Variants in SLC1A2 observed in about 807,000 individuals in gnomAD.
SLC1A2 encodes the protein excitatory amino acid transporter 2.
SLC1A2 carries 15 observed loss-of-function variants against 48.8 expected under a neutral mutation model. That is an observed-to-expected ratio of 0.31 (90% confidence interval 0.21 to 0.47). SLC1A2 has a LOEUF of 0.47. SLC1A2 is among the 20% of genes least tolerant of loss of function. SLC1A2 has a pLI of 0.99. For missense variants in SLC1A2, 502 were observed against 730.5 expected (o/e 0.69, Z 3.61); for synonymous variants, 279 against 272.6 (o/e 1.02, Z -0.23).
At chr11:35,357,394 G>A (rs1273833338) in intron 1 of SLC1A2, among the ~76,000 whole-genome samples, 2 of 152,098 alleles carry the variant, frequency 1.3e-5, no homozygotes, top group Non-Finnish European at 2.9e-5. Context: ...AGTACATTCG[G>A]ACAACATGAG....
At chr11:35,315,589 T>A (rs990013706) in intron 2 of SLC1A2, 15 of 156,486 alleles carry the variant, frequency 9.6e-5, no homozygotes, top group Admixed American at 7.5e-4. Context: ...AGGTCAGGAG[T>A]TCGAGACCAG....
Position 35,292,528 on chromosome 11 carries a change from AC to A in SLC1A2, c.858-9del. The A allele has an allele frequency of 6.3e-7, 1 of 1,580,522 alleles. No individual in the cohort carries two copies. Among genetic ancestry groups the A allele is most frequent in the Non-Finnish European group, 8.7e-7 (1 of 1,150,454 alleles). Reference sequence around the variant, plus strand: ...ATACCCAGGGGAGAGTACCTGAAAAACACAAAAGGGAAAAACAGCATTGAAG... The same window carrying A: ...ATACCCAGGGGAGAGTACCTGAAAAAACAAAAGGGAAAAACAGCATTGAAG... On this transcript the variant is annotated splice_polypyrimidine_tract_variant and intron_variant, in intron 6 of 10. Transcript: ENST00000278379.
At chr11:35,375,742 TGAGGAGGGCTACA>T (rs1218733376) in intron 1 of SLC1A2, among the ~76,000 whole-genome samples, 1 of 152,110 alleles carries the variant, frequency 6.6e-6, no homozygotes, top group Non-Finnish European at 1.5e-5. Flanking sequence ...TGGACTGGGA[TGAGGAGGGCTACA>T]GAGGAGGGTG....
At chr11:35,371,050 A>C (rs1366126243) in intron 1 of SLC1A2, 1 of 985,152 alleles carries the variant, frequency 1.0e-6, no homozygotes, top group African/African-American at 1.7e-5. Flanking sequence ...TTTCTTGCAG[A>C]GACAATGGGT....
At chr11:35,416,579 T>C (rs192369922) in intron 1 of SLC1A2, among the ~76,000 whole-genome samples, 1 of 152,320 alleles carries the variant, frequency 6.6e-6, no homozygotes, top group East Asian at 1.9e-4. Flanking sequence ...ACCAAATAAA[T>C]GTGAACCAGA....
intron 1 of SLC1A2, among the ~76,000 whole-genome samples, chr11:35,348,021 T>C (rs1472878847): frequency 6.6e-6 from 1 of 152,224 alleles, no homozygotes; most frequent in African/African-American, 2.4e-5. Context: ...GAGGCCAAGC[T>C]CCATGTGACA....
At chr11:35,400,586 A>G (rs912357319) in intron 1 of SLC1A2, among the ~76,000 whole-genome samples, 1 of 152,234 alleles carries the variant, frequency 6.6e-6, no homozygotes, top group Non-Finnish European at 1.5e-5. Context: ...CGTTATGGAT[A>G]AACTCTCCAT....
chr11:35,278,219 C>T (rs2134671851), intron 9 of SLC1A2, among the ~76,000 whole-genome samples: 1 of 151,810 alleles, frequency 6.6e-6, no homozygotes, highest in East Asian at 1.9e-4. Flanking sequence ...TTGCAGCCCT[C>T]CCAAGTTGAA....
chr11:35,254,881 AGGCT>A lies in SLC1A2; in HGVS notation c.*6009_*6012del. The A allele has an allele frequency of 2.3e-6, 1 of 442,142 alleles. No homozygotes were observed. The highest frequency in any genetic ancestry group is 3.4e-4 in the Middle Eastern group (1 of 2,966). 27.4% of individuals were successfully genotyped at this position (442,142 alleles called of 1,614,324 possible). A position where few individuals can be genotyped will look rare whatever the true frequency, so the allele number is the denominator to read the frequency against. Reference sequence around the variant, plus strand: ...GGCCTGGAGGTTGGAAAGTGAAGCAAGGCTGGACATAGAAAAAAACTGATCAGTA... The same window carrying A: ...GGCCTGGAGGTTGGAAAGTGAAGCAAGGACATAGAAAAAAACTGATCAGTA... On this transcript the variant is annotated 3_prime_UTR_variant, in exon 11 of 11. Transcript: ENST00000278379.
Position 35,312,329 on chromosome 11 carries a change from G to C in SLC1A2, c.430C>G (p.Pro144Ala), listed in dbSNP as rs1460881897. Residue 144 changes from proline to alanine, a missense_variant, in exon 4 of 11, where the codon CCA becomes GCA. By Grantham distance (27) the Pro-to-Ala change is conservative (BLOSUM62 -1). Around this residue, in one of 4 missense-constraint regions of SLC1A2, gnomAD observed 309 missense variants for 480.3 expected, o/e 0.64. Coordinates refer to ENST00000278379, the MANE Select transcript of SLC1A2 (RefSeq NM_004171.4). ...LGVILVLAIH[P>A]GNPKLKKQLG... ...TGCTTCTTGAGCTTGGGATTGCCTG[G>C]ATGGATAGCCAAGACCAGAATGACC... 1.2e-6 allele frequency: 2 copies of C among 1,614,010 alleles called. No individual in the cohort carries two copies. The highest frequency in any genetic ancestry group is 1.7e-5 in the Admixed American group (1 of 60,000).
intron 1 of SLC1A2, among the ~76,000 whole-genome samples, chr11:35,384,521 T>C (rs1854526979): frequency 6.6e-6 from 1 of 152,204 alleles, no homozygotes; most frequent in Non-Finnish European, 1.5e-5. Flanking sequence ...AAATGACAAA[T>C]ACATGTTAGA....
At chr11:35,308,178 C>T (rs1404251061) in intron 4 of SLC1A2, among the ~76,000 whole-genome samples, 1 of 152,164 alleles carries the variant, frequency 6.6e-6, no homozygotes, top group Non-Finnish European at 1.5e-5. Context: ...CCAGCTGCTA[C>T]CTATTTTACA....
At chr11:35,378,971 G>A (rs1314547730) in intron 1 of SLC1A2, among the ~76,000 whole-genome samples, 3 of 152,214 alleles carry the variant, frequency 2.0e-5, no homozygotes, top group African/African-American at 7.2e-5. Flanking sequence ...ACTCATGCCT[G>A]TAATCCCAGC....
At chr11:35,282,200 C>A (rs1463919739) in intron 8 of SLC1A2, among the ~76,000 whole-genome samples, 1 of 152,082 alleles carries the variant, frequency 6.6e-6, no homozygotes, top group East Asian at 1.9e-4. Flanking sequence ...CCAACCACAC[C>A]CTTCCCCTCC....
intron 1 of SLC1A2, among the ~76,000 whole-genome samples, chr11:35,331,564 A>G (rs4756211): frequency 0.21 from 31,898 of 152,166 alleles, 3,663 homozygotes; most frequent in Admixed American, 0.27. Context: ...AGAAGAATGT[A>G]TATTTATCAC....
At position 35,252,342 on chromosome 11, in the gene SLC1A2, CAG is replaced by C. The variant is rs1950249842; in HGVS notation, c.*8550_*8551del. The C allele has an allele frequency of 6.6e-6, 1 of 151,414 alleles. No individual in the cohort carries two copies. The highest frequency in any genetic ancestry group is 1.5e-5 in the Non-Finnish European group (1 of 68,004). 9.4% of individuals were successfully genotyped at this position (151,414 alleles called of 1,614,324 possible). On this transcript the variant is annotated 3_prime_UTR_variant, in exon 11 of 11. Coordinates refer to ENST00000278379, the MANE Select transcript of SLC1A2 (RefSeq NM_004171.4). The stretch of plus-strand genomic sequence containing the variant: ...TCTAAAGACATGATGCTAATATGCA[CAG>C]AGTCAGACTAACTTTTTGTTCCTCT...
At chr11:35,407,338 G>A (rs1234903933) in intron 1 of SLC1A2, among the ~76,000 whole-genome samples, 14 of 152,114 alleles carry the variant, frequency 9.2e-5, no homozygotes, top group Admixed American at 9.2e-4. Flanking sequence ...CCCAAAGTGA[G>A]CAATGAATTA....
At chr11:35,331,030 C>CCTCAGCAG (rs1205228848) in intron 1 of SLC1A2, among the ~76,000 whole-genome samples, 3 of 152,174 alleles carry the variant, frequency 2.0e-5, no homozygotes, top group African/African-American at 7.2e-5. Context: ...TTACAAAAAG[C>CCTCAGCAG]CTCAGCAGAA....
chr11:35,261,273 C>T (rs1302335236), intron 10 of SLC1A2, among the ~76,000 whole-genome samples: 1 of 152,168 alleles, frequency 6.6e-6, no homozygotes, highest in Non-Finnish European at 1.5e-5. Context: ...CACACAATAA[C>T]ACAGTCCTTA....
Sources: allele counts gnomAD v4.1 joint callset (sites outside exome capture counted in the v4.1 genomes callset), GRCh38; gene constraint gnomAD v4.1.1; regional missense constraint gnomAD v4.1.1; transcripts MANE v1.5; gene names NCBI Gene and HGNC (gene_info 2026-07-23, HGNC 2026-07-21).